Variants in LRRC71 observed in about 807,000 individuals in gnomAD.
LRRC71 encodes the protein leucine rich repeat containing 71, also known as leucine-rich repeat-containing protein 71.
Under a neutral mutation model 66.6 loss-of-function variants are expected in LRRC71, and 54 were observed. The ratio of observed to expected loss-of-function variants is 0.81; its 90% CI spans 0.65 to 1.02. The LOEUF is 1.02. Among genes scored for constraint, LRRC71 ranks in the 50% least tolerant of loss-of-function variants. LRRC71 has a pLI of 0.00. For missense variants in LRRC71, 724 were observed against 718.0 expected (o/e 1.01, Z -0.10); for synonymous variants, 323 against 303.9 (o/e 1.06, Z -0.65).
chr1:156,929,820 C>T (rs1177614761), intron 11 of LRRC71, 91 bp downstream of exon 11: 32 of 1,074,668 alleles, frequency 3.0e-5, no homozygotes, highest in East Asian at 5.3e-5. Flanking sequence ...GGCCTGGGTG[C>T]GCCTGCCTGG....
chr1:156,927,573 T>G lies in LRRC71; in HGVS notation c.740T>G (p.Leu247Arg). The G allele has an allele frequency of 6.3e-7, 1 of 1,594,462 alleles. No individual in the cohort carries two copies. The highest frequency in any genetic ancestry group is 2.2e-5 in the East Asian group (1 of 44,752). The change falls in exon 7 of 15, where the codon CTG becomes CGG. Residue 247 changes from leucine to arginine, a missense_variant. Leu to Arg is a moderately radical substitution (Grantham distance 102). Transcript: ENST00000337428. Reference protein sequence around the residue: ...AQLLGQALSTLHSCNRTLVSL... With the variant: ...AQLLGQALSTRHSCNRTLVSL... ...CTCCTGGGCCAGGCGCTGTCCACGCTGCACAGCTGCAACCGGACCCTCGTC... is the reference window on the plus strand; with the variant it reads ...CTCCTGGGCCAGGCGCTGTCCACGCGGCACAGCTGCAACCGGACCCTCGTC...
intron 9 of LRRC71, 60 bp downstream of exon 9, chr1:156,928,064 C>T (rs1450044654): frequency 6.0e-5 from 88 of 1,470,258 alleles, no homozygotes; most frequent in Non-Finnish European, 7.7e-5. Context: ...GAGCCCACTC[C>T]CCAAGTCCGC....
At position 156,927,223 on chromosome 1, in the gene LRRC71, C is replaced by A. The variant is rs1383388144; in HGVS notation, c.615C>A (p.Asn205Lys). The A allele has an allele frequency of 6.2e-7, 1 of 1,613,346 alleles. No homozygotes were observed. Among genetic ancestry groups the A allele is most frequent in the African/African-American group, 1.3e-5 (1 of 74,908 alleles). Residue 205 changes from asparagine to lysine, a missense_variant, in exon 6 of 15, where the codon AAC (asparagine) becomes AAA (lysine). Asn to Lys is a moderately conservative substitution (Grantham distance 94, BLOSUM62 0). Transcript: ENST00000337428. The part of the protein sequence containing the change: ...STLRKVSLEG[N>K]PLPEQSYHKL... ...TCAGGAAGGTGTCTCTGGAGGGGAA[C>A]CCACTGCCGGAGCAGTCCTATCACA...
rs1236384844 is a variant in LRRC71, at chr1:156,931,960, T to A, written c.1374T>A (p.Pro458=). The A allele has an allele frequency of 6.2e-7, 1 of 1,600,206 alleles. No homozygotes were observed. Among genetic ancestry groups the A allele is most frequent in the Non-Finnish European group, 8.5e-7 (1 of 1,173,234 alleles). The change falls in exon 13 of 15, where the codon CCT becomes CCA. Residue 458 remains proline, a synonymous_variant. Transcript: ENST00000337428. ...AGGTGGTCAACCCTCTCCTGGAGCC[T>A]GTGGAGCACCGAGATGGGAAAGTTT... ...ATEVVNPLLE[P]VEHRDGKVFM... is the part of the protein sequence containing the mutation.
Position 156,928,003 on chromosome 1 carries a change from C to T in LRRC71, c.995C>T (p.Ser332Leu). The T allele has an allele frequency of 6.3e-7, 1 of 1,593,898 alleles. No individual in the cohort carries two copies. The highest frequency in any genetic ancestry group is 8.5e-7 in the Non-Finnish European group (1 of 1,171,798). The change falls in exon 9 of 15, where the codon TCG (serine) becomes TTG (leucine). Residue 332 changes from serine to leucine, a missense_variant and splice_region_variant. Coordinates refer to ENST00000337428, the MANE Select transcript of LRRC71 (RefSeq NM_144702.3). Reference sequence around the variant, plus strand: ...AAAGGGACACAGGAGCGCTCGCGATCGGTGAGGAGCTACCAGGCCCCAGGA... The same window carrying T: ...AAAGGGACACAGGAGCGCTCGCGATTGGTGAGGAGCTACCAGGCCCCAGGA... ...LEKGTQERSRSPSSSRHGDSK... is the reference protein window; with the variant it reads ...LEKGTQERSRLPSSSRHGDSK...
downstream of LRRC71, among the ~76,000 whole-genome samples, chr1:156,933,510 AGG>A (rs1654670321): frequency 6.6e-6 from 1 of 152,232 alleles, no homozygotes; most frequent in African/African-American, 2.4e-5. Flanking sequence ...AGGAGAGGTA[AGG>A]GTTCAGCTTA....
Position 156,920,857 on chromosome 1 carries a change from G to C in LRRC71, c.54G>C (p.Gly18=). The C allele has an allele frequency of 2.6e-6, 4 of 1,539,534 alleles. No homozygotes were observed. Among genetic ancestry groups the C allele is most frequent in the Non-Finnish European group, 3.5e-6 (4 of 1,141,614 alleles). Residue 18 remains glycine (G), a synonymous_variant, in exon 1 of 15, where the codon GGG becomes GGC. Transcript: ENST00000337428. This position sits in a 1 kb window ranked among gnomAD's most constrained non-coding sequence, Gnocchi z 4.9. ...PGASPRAPRP[G]TQKSSGAVTK... ...CCTCACCCAGGGCCCCGCGTCCGGG[G>C]ACCCAGAAGTCTTCTGGCGCGGTGA...
At chr1:156,940,510 G>A in the LRRC71 span, 1 of 1,255,008 alleles carries the variant, frequency 8.0e-7, no homozygotes. Flanking sequence ...GGAGCCAAGG[G>A]GCTGGGAACA....
chr1:156,936,300 T>A, downstream of LRRC71: 1 of 685,350 alleles, frequency 1.5e-6, no homozygotes. Flanking sequence ...CATAGCTGTG[T>A]CCCTGGCCCA....
Position 156,932,430 on chromosome 1 carries a change from G to A in LRRC71, c.1448G>A (p.Arg483His), listed in dbSNP as rs12119908. ...VLLHLNLIRN[R>H]ITEVGLEGFL... The stretch of plus-strand genomic sequence containing the variant: ...TGTCTGTAACTTCCACCAGGGAACC[G>A]CATCACAGAGGTGGGGCTGGAGGGC... Residue 483 changes from arginine (R) to histidine (H), a missense_variant, in exon 14 of 15, where the codon CGC (arginine) becomes CAC (histidine). Arg to His is a conservative substitution (Grantham distance 29, BLOSUM62 0). Coordinates refer to ENST00000337428, the MANE Select transcript of LRRC71 (RefSeq NM_144702.3). 262,652 of 1,606,136 alleles carry A rather than the reference G, an allele frequency of 0.16. 22,952 individuals are homozygous for A. The highest frequency in any genetic ancestry group is 0.34 in the East Asian group (15,272 of 44,788).
the LRRC71 span, chr1:156,939,512 G>A: frequency 6.2e-7 from 1 of 1,604,170 alleles, no homozygotes; most frequent in Non-Finnish European, 8.5e-7. Flanking sequence ...TAGCAAGGGT[G>A]CTTGTCTCCC....
At chr1:156,924,328 G>A (rs1053025440) in intron 2 of LRRC71, 96 bp from the exon 3 acceptor site, 8 of 1,470,452 alleles carry the variant, frequency 5.4e-6, no homozygotes, top group Non-Finnish European at 7.2e-6. Flanking sequence ...CTCCCCTCTG[G>A]CGGTGTCCTC....
At position 156,927,250 on chromosome 1, in the gene LRRC71, G is replaced by T. The variant is rs1454054711; in HGVS notation, c.642G>T (p.Lys214Asn). ...CACTGCCGGAGCAGTCCTATCACAA[G>T]CTCATGGCCTTGGACAGCACGTGAG... The part of the protein sequence containing the change: ...GNPLPEQSYH[K>N]LMALDSTIAH... The change falls in exon 6 of 15, where the codon AAG becomes AAT. Residue 214 changes from lysine to asparagine, a missense_variant. Lys to Asn is a moderately conservative substitution (Grantham distance 94). Transcript: ENST00000337428. The T allele has an allele frequency of 6.2e-7, 1 of 1,613,676 alleles. No individual in the cohort carries two copies. The highest frequency in any genetic ancestry group is 2.2e-5 in the East Asian group (1 of 44,884).
intron 5 of LRRC71, among the ~76,000 whole-genome samples, chr1:156,925,457 G>A (rs953225440): frequency 6.6e-6 from 1 of 152,216 alleles, no homozygotes; most frequent in African/African-American, 2.4e-5. Flanking sequence ...ATGGAGGACT[G>A]GTTCATCAGA....
At chr1:156,937,176 A>G (rs539700795), downstream of LRRC71, 19 of 1,601,354 alleles carry the variant, frequency 1.2e-5, no homozygotes, top group Admixed American at 3.1e-4. Flanking sequence ...GAAGACACAC[A>G]TCTCACTCAT....
At chr1:156,940,294 T>C in the LRRC71 span, 3 of 1,613,736 alleles carry the variant, frequency 1.9e-6, no homozygotes, top group Admixed American at 5.0e-5. Context: ...CTGATGCCCC[T>C]GTTCTCTCCA....
rs756605758 is a variant in LRRC71 at position 156,929,300 on chromosome 1, G to C, written c.1017G>C (p.Gly339=). 3.1e-6 allele frequency: 5 copies of C among 1,607,870 alleles called. No individual in the cohort carries two copies. The highest frequency in any genetic ancestry group is 3.4e-5 in the Admixed American group (2 of 59,036). The change falls in exon 10 of 15, where the codon GGG becomes GGC. Residue 339 remains glycine, a synonymous_variant. Coordinates refer to ENST00000337428, the MANE Select transcript of LRRC71 (RefSeq NM_144702.3). ...RSRSPSSSRH[G]DSKTDREKSQ... is the part of the protein sequence containing the mutation. Reference sequence around the variant, plus strand: ...CACAGCCCTCCTCCTCTCGACACGGGGACTCCAAAACGGACCGTGAGAAGA... The same window carrying C: ...CACAGCCCTCCTCCTCTCGACACGGCGACTCCAAAACGGACCGTGAGAAGA...
chr1:156,939,147 A>C, the LRRC71 span: 1 of 272,428 alleles, frequency 3.7e-6, no homozygotes, highest in Non-Finnish European at 7.0e-6. Context: ...GGCTGCATGC[A>C]CCTGCCCTGT....
the LRRC71 span, among the ~76,000 whole-genome samples, chr1:156,938,160 C>G: frequency 6.6e-6 from 1 of 152,202 alleles, no homozygotes; most frequent in Non-Finnish European, 1.5e-5. Flanking sequence ...CCCTGCCCCT[C>G]CCACAATTGC....
Sources: allele counts gnomAD v4.1 joint callset (sites outside exome capture counted in the v4.1 genomes callset), GRCh38; gene constraint gnomAD v4.1.1; non-coding constraint Gnocchi (gnomAD v3.1); transcripts MANE v1.5; gene names NCBI Gene and HGNC (gene_info 2026-07-23, HGNC 2026-07-21).